Variants in GXYLT1 observed in about 807,000 individuals in gnomAD.
GXYLT1 encodes glucoside xylosyltransferase 1.
GXYLT1 carries 29 observed loss-of-function variants against 54.0 expected under a neutral mutation model. The observed-to-expected ratio is 0.54, with a 90% confidence interval of 0.40 to 0.73. The LOEUF (loss-of-function observed/expected upper bound fraction) is 0.73. Among genes scored for constraint, GXYLT1 ranks in the 30% least tolerant of loss-of-function variants. The probability of loss-of-function intolerance (pLI) is 0.00; values close to 1 mark genes in which losing one functional copy is unlikely to be tolerated. For missense variants in GXYLT1, 490 were observed against 553.4 expected (o/e 0.89, Z 1.15); for synonymous variants, 176 against 204.1 (o/e 0.86, Z 1.17).
intron 5 of GXYLT1, among the ~76,000 whole-genome samples, chr12:42,103,858 A>T (rs868502868): frequency 2.0e-5 from 3 of 152,156 alleles, no homozygotes; most frequent in Non-Finnish European, 4.4e-5. Context: ...CTACACCTCT[A>T]GGTAGCTTAG....
At chr12:42,088,210 A>C (rs1474196159) in intron 7 of GXYLT1, among the ~76,000 whole-genome samples, 1 of 152,166 alleles carries the variant, frequency 6.6e-6, no homozygotes, top group Non-Finnish European at 1.5e-5. Context: ...ACTGGTTAAG[A>C]AGACAACCAA....
At chr12:42,111,776 T>C (rs542264296) in intron 3 of GXYLT1, among the ~76,000 whole-genome samples, 1 of 152,212 alleles carries the variant, frequency 6.6e-6, no homozygotes, top group Non-Finnish European at 1.5e-5. Flanking sequence ...TCTGACCGCT[T>C]TGAAGAGAGT....
At chr12:42,100,533 AAAGAG>A (rs1346577605) in intron 5 of GXYLT1, among the ~76,000 whole-genome samples, 4 of 151,980 alleles carry the variant, frequency 2.6e-5, no homozygotes, top group Non-Finnish European at 4.4e-5. Context: ...ATCCTTTAAA[AAAGAG>A]AAGGCCAGAA....
rs371926539 is a variant in GXYLT1 at position 42,091,365 on chromosome 12, C to T, written c.1162-3418G>A. On this transcript the variant is annotated intron_variant, in intron 7 of 7. Transcript: ENST00000398675. ...ATTTTTAAAGGTACACACTTATAAA[C>T]CAAAGAAAAGATCAAATAAAACCAG... Among the ~76,000 whole-genome samples, 5 of 151,786 alleles carry T rather than the reference C, an allele frequency of 3.3e-5. No homozygotes were observed. The South Asian group carries it at 6.3e-4, about 19-fold the overall frequency.
At chr12:42,090,017 A>T (rs1300785345) in intron 7 of GXYLT1, among the ~76,000 whole-genome samples, 1 of 152,168 alleles carries the variant, frequency 6.6e-6, no homozygotes, top group African/African-American at 2.4e-5. Flanking sequence ...AAGACTATTG[A>T]TTCCCAGGAG....
intron 5 of GXYLT1, among the ~76,000 whole-genome samples, chr12:42,101,398 C>A (rs2065389113): frequency 6.6e-6 from 1 of 152,024 alleles, no homozygotes; most frequent in South Asian, 2.1e-4. Context: ...ACTAGGTACA[C>A]ACAAAAAGAG....
Position 42,105,968 on chromosome 12 carries a change from G to C in GXYLT1, c.714C>G (p.Ser238=). Residue 238 remains serine, a synonymous_variant, in exon 5 of 8, where the codon TCC becomes TCG. Transcript: ENST00000398675. ...DIWSLLKKFN[S]TQIAAMAPEH... The stretch of plus-strand genomic sequence containing the variant: ...CTGGTGCCATTGCAGCAATTTGTGT[G>C]GAATTAAATTTCTTTAGTAAAGACC... 1 of 1,613,966 alleles carries C rather than the reference G, an allele frequency of 6.2e-7. No individual in the cohort carries two copies. Among genetic ancestry groups the C allele is most frequent in the Non-Finnish European group, 8.5e-7 (1 of 1,179,904 alleles).
chr12:42,142,878 T>A (rs2136925091), intron 1 of GXYLT1, among the ~76,000 whole-genome samples: 1 of 152,234 alleles, frequency 6.6e-6, no homozygotes, highest in Admixed American at 6.5e-5. Context: ...CACCTATAGT[T>A]CTAACTTAGA....
Position 42,087,946 on chromosome 12 carries a change from C to T in GXYLT1, c.1163G>A (p.Cys388Tyr), listed in dbSNP as rs2065306585. The T allele has an allele frequency of 6.7e-7, 1 of 1,485,648 alleles. No individual in the cohort carries two copies. Among genetic ancestry groups the T allele is most frequent in the East Asian group, 2.4e-5 (1 of 42,020 alleles). 92.0% of individuals were successfully genotyped at this position (1,485,648 alleles called of 1,614,324 possible). ...ACGGATGTTGTCATCTTCAAAAGAACACTAGAGAAAGAAAATTTTAAAAAA... is the reference window on the plus strand; with the variant it reads ...ACGGATGTTGTCATCTTCAAAAGAATACTAGAGAAAGAAAATTTTAAAAAA... The part of the protein sequence containing the change: ...FRAVYEALRN[C>Y]SFEDDNIRSL... Residue 388 changes from cysteine (C) to tyrosine (Y), a missense_variant and splice_region_variant, in exon 8 of 8, where the codon TGT (cysteine) becomes TAT (tyrosine). Cys to Tyr is a radical substitution (Grantham distance 194). This residue lies in a region of GXYLT1 where 342 missense variants were observed against 342.6 expected (regional missense o/e 1.00). Coordinates refer to ENST00000398675, the MANE Select transcript of GXYLT1 (RefSeq NM_173601.2).
At chr12:42,119,285 A>T (rs2136905689) in intron 2 of GXYLT1, 114 bp from the exon 3 acceptor site, 1 of 796,248 alleles carries the variant, frequency 1.3e-6, no homozygotes, top group East Asian at 2.5e-5. Context: ...TCATGCCTGC[A>T]GTCCCAGCTA....
At chr12:42,134,419 G>A (rs933531605) in intron 1 of GXYLT1, among the ~76,000 whole-genome samples, 8 of 152,020 alleles carry the variant, frequency 5.3e-5, no homozygotes, top group African/African-American at 1.4e-4. Context: ...TCAAGCTATC[G>A]TCCTGCCTCA....
chr12:42,101,278 A>G (rs541679834), intron 5 of GXYLT1, among the ~76,000 whole-genome samples: 9 of 152,206 alleles, frequency 5.9e-5, no homozygotes, highest in Admixed American at 1.3e-4. Flanking sequence ...ACAAAAGAAG[A>G]AACAGAAATG....
At chr12:42,103,474 T>C (rs998498859) in intron 5 of GXYLT1, among the ~76,000 whole-genome samples, 4 of 152,190 alleles carry the variant, frequency 2.6e-5, no homozygotes, top group African/African-American at 2.4e-5. Flanking sequence ...CTCAGTTATA[T>C]TGCTAAATTT....
At chr12:42,143,364 C>T (rs2065662393) in intron 1 of GXYLT1, among the ~76,000 whole-genome samples, 1 of 152,134 alleles carries the variant, frequency 6.6e-6, no homozygotes, top group African/African-American at 2.4e-5. Flanking sequence ...TAGGAATTAC[C>T]CTGACTGTAA....
chr12:42,136,092 T>A (rs960846133), intron 1 of GXYLT1, among the ~76,000 whole-genome samples: 2 of 152,254 alleles, frequency 1.3e-5, no homozygotes, highest in East Asian at 3.8e-4. Context: ...TATAGTTTTT[T>A]AACTCCCAAA....
At chr12:42,120,889 G>T (rs948415151) in intron 2 of GXYLT1, among the ~76,000 whole-genome samples, 13 of 151,980 alleles carry the variant, frequency 8.6e-5, no homozygotes, top group Admixed American at 4.6e-4. Flanking sequence ...TAATTAGAAA[G>T]AAGCAATGTC....
At chr12:42,104,189 T>C (rs1160108664) in intron 5 of GXYLT1, among the ~76,000 whole-genome samples, 2 of 152,126 alleles carry the variant, frequency 1.3e-5, no homozygotes, top group Admixed American at 6.5e-5. Context: ...ATTATCTCTA[T>C]AGTTCTTTGC....
chr12:42,112,252 A>G (rs948824768), intron 3 of GXYLT1, among the ~76,000 whole-genome samples: 1 of 152,234 alleles, frequency 6.6e-6, no homozygotes, highest in Non-Finnish European at 1.5e-5. Context: ...CCTCCTCCAA[A>G]GGAATGCAGC....
At chr12:42,141,504 A>T (rs1166882239) in intron 1 of GXYLT1, among the ~76,000 whole-genome samples, 3 of 152,124 alleles carry the variant, frequency 2.0e-5, no homozygotes, top group Non-Finnish European at 4.4e-5. Flanking sequence ...TGTACAGTAT[A>T]CCTAAAATGT....
Sources: gnomAD v4.1 joint callset for allele counts (sites outside exome capture counted in the v4.1 genomes callset) on GRCh38, gnomAD v4.1.1 for gene constraint, gnomAD v4.1.1 regional missense constraint, MANE v1.5 for transcripts, NCBI Gene and HGNC (gene_info 2026-07-23, HGNC 2026-07-21) for gene names.